The following UMAD1 variants were observed in gnomAD, a reference collection of about 807,000 sequenced individuals.
The protein encoded by UMAD1 is UBAP1-MVB12-associated (UMA) domain containing 1, also known as UBAP1-MVB12-associated (UMA)-domain containing protein 1.
A neutral mutation model predicts 6.1 loss-of-function variants in UMAD1; 8 were observed. The observed-to-expected ratio is 1.30, with a 90% CI of 0.76 to 2.35. The LOEUF is 2.35. Ranked by LOEUF, UMAD1 falls within the 30% of genes most tolerant of loss-of-function variation. The pLI, the probability that UMAD1 is intolerant of heterozygous loss-of-function variation, is 0.00. For synonymous variants in UMAD1, 56 were observed against 31.4 expected (o/e 1.78, Z -2.61); for missense variants, 130 against 78.4 (o/e 1.66, Z -2.49).
intron 2 of UMAD1, among the ~76,000 whole-genome samples, chr7:7,796,397 G>A (rs1164837439): frequency 1.3e-5 from 2 of 151,528 alleles, no homozygotes; most frequent in South Asian, 2.1e-4. Flanking sequence ...GATTACAGGC[G>A]TGCCCTACCG....
chr7:7,756,130 T>A (rs115377487), intron 2 of UMAD1, among the ~76,000 whole-genome samples: 1 of 152,072 alleles, frequency 6.6e-6, no homozygotes, highest in African/African-American at 2.4e-5. Context: ...CTAGGCATAG[T>A]GTGAAGTTGG....
rs28915982 is a variant in UMAD1 at position 7,673,971 on chromosome 7, C to A, written c.82+518C>A. ...TAGTGTCTTTAAAAAATATTTCTTACAATCAAATACAGTGTTCTTCACCAG... is the reference window on the plus strand; with the variant it reads ...TAGTGTCTTTAAAAAATATTTCTTAAAATCAAATACAGTGTTCTTCACCAG... On this transcript the variant is annotated intron_variant, in intron 2 of 3. Transcript: ENST00000682710. 4.6e-5 allele frequency among the ~76,000 whole-genome samples: 7 copies of A among 152,272 alleles called. No individual in the cohort carries two copies. The East Asian group carries it at 1.3e-3, about 29-fold the overall frequency.
intron 3 of UMAD1, among the ~76,000 whole-genome samples, chr7:7,827,718 G>GACT (rs1192612367): frequency 6.6e-6 from 1 of 152,112 alleles, no homozygotes; most frequent in Non-Finnish European, 1.5e-5. Flanking sequence ...TGGGCAAAAT[G>GACT]GAACATTTTG....
At chr7:7,662,994 G>A (rs867550926) in intron 1 of UMAD1, among the ~76,000 whole-genome samples, 31 of 130,180 alleles carry the variant, frequency 2.4e-4, no homozygotes, top group South Asian at 7.7e-4. Flanking sequence ...TTAAAGAAGT[G>A]TGTGAGTGCT....
intron 3 of UMAD1, among the ~76,000 whole-genome samples, chr7:7,813,170 C>T (rs566005798): frequency 6.6e-6 from 1 of 152,186 alleles, no homozygotes; most frequent in East Asian, 1.9e-4. Context: ...CATTTTTCTC[C>T]AGGCGTAGCC....
At chr7:7,758,897 A>G (rs567208155) in intron 2 of UMAD1, among the ~76,000 whole-genome samples, 71 of 152,304 alleles carry the variant, frequency 4.7e-4, no homozygotes, top group African/African-American at 1.5e-3. Context: ...AAGTTTTTGT[A>G]CATATCTTGC....
intron 2 of UMAD1, among the ~76,000 whole-genome samples, chr7:7,784,281 A>G (rs1475398106): frequency 6.6e-6 from 1 of 152,022 alleles, no homozygotes; most frequent in Non-Finnish European, 1.5e-5. Context: ...CCCTTTCATG[A>G]AATTTTCAAG....
intron 3 of UMAD1, among the ~76,000 whole-genome samples, chr7:7,875,054 G>A (rs13438161): frequency 0.28 from 42,543 of 152,002 alleles, 6,225 homozygotes; most frequent in East Asian, 0.49. Flanking sequence ...GATTACAGGC[G>A]TGAGCCACCG....
At chr7:7,774,263 CAATT>C (rs1490396097) in intron 2 of UMAD1, among the ~76,000 whole-genome samples, 1 of 152,076 alleles carries the variant, frequency 6.6e-6, no homozygotes, top group Non-Finnish European at 1.5e-5. Context: ...GGTAGAGTAA[CAATT>C]AAGAAACTGA....
At chr7:7,728,449 G>A (rs1781184591) in intron 2 of UMAD1, among the ~76,000 whole-genome samples, 1 of 152,136 alleles carries the variant, frequency 6.6e-6, no homozygotes, top group South Asian at 2.1e-4. Context: ...GTTGAGACCA[G>A]CCTGACCAAC....
chr7:7,704,568 A>G lies in UMAD1; in HGVS notation c.82+31115A>G, dbSNP rs542647175. 1.5e-3 allele frequency among the ~76,000 whole-genome samples: 222 copies of G among 149,576 alleles called. 1 individual carries two copies. The highest frequency in any genetic ancestry group is 2.5e-3 in the Non-Finnish European group (166 of 67,498). On this transcript the variant is annotated intron_variant, in intron 2 of 3. Coordinates refer to ENST00000682710, the MANE Select transcript of UMAD1 (RefSeq NM_001302348.2). ...CAGGAGTTCAAGACTAGCCTGGCCA[A>G]TATGGTGAAACCCTGTCTCTACTAA...
chr7:7,653,636 G>C (rs1408754150), intron 1 of UMAD1, among the ~76,000 whole-genome samples: 1 of 152,162 alleles, frequency 6.6e-6, no homozygotes, highest in African/African-American at 2.4e-5. Context: ...TGAAGAAAAG[G>C]GCAGTATTCT....
chr7:7,672,628 G>T (rs1303490270), intron 1 of UMAD1, among the ~76,000 whole-genome samples: 2 of 152,114 alleles, frequency 1.3e-5, no homozygotes, highest in South Asian at 4.1e-4. Context: ...GAGATCTGAT[G>T]GTTTTATAAG....
intron 3 of UMAD1, among the ~76,000 whole-genome samples, chr7:7,813,774 G>A (rs902254889): frequency 2.0e-5 from 3 of 152,082 alleles, no homozygotes; most frequent in African/African-American, 7.2e-5. Context: ...CCAACCCATC[G>A]GAGAGCTGTA....
intron 3 of UMAD1, among the ~76,000 whole-genome samples, chr7:7,851,150 T>C (rs1724541951): frequency 6.6e-6 from 1 of 152,206 alleles, no homozygotes; most frequent in African/African-American, 2.4e-5. Flanking sequence ...AATGGAATAA[T>C]ATAATATGTG....
intron 3 of UMAD1, among the ~76,000 whole-genome samples, chr7:7,874,807 G>T (rs117744384): frequency 6.6e-6 from 1 of 152,162 alleles, no homozygotes; most frequent in Non-Finnish European, 1.5e-5. Context: ...TTGACAGGAC[G>T]GGGGTTGATT....
intron 2 of UMAD1, among the ~76,000 whole-genome samples, chr7:7,761,578 T>C (rs1781891535): frequency 6.6e-6 from 1 of 152,210 alleles, no homozygotes; most frequent in African/African-American, 2.4e-5. Flanking sequence ...GGATCACATT[T>C]CTTATTAAAA....
chr7:7,709,692 G>A (rs1293666355), intron 2 of UMAD1, among the ~76,000 whole-genome samples: 1 of 152,158 alleles, frequency 6.6e-6, no homozygotes, highest in Non-Finnish European at 1.5e-5. Flanking sequence ...TTTACCTGCT[G>A]AGGGTAAGAT....
At chr7:7,721,982 C>G (rs57496701) in intron 2 of UMAD1, among the ~76,000 whole-genome samples, 3,869 of 152,124 alleles carry the variant, frequency 0.025, 178 homozygotes, top group African/African-American at 0.086. Context: ...CTGGCTTAGC[C>G]TCCTAGCCTA....
Sources: gnomAD v4.1 joint callset for allele counts (sites outside exome capture counted in the v4.1 genomes callset) on GRCh38, gnomAD v4.1.1 for gene constraint, MANE v1.5 for transcripts, NCBI Gene and HGNC (gene_info 2026-07-23, HGNC 2026-07-21) for gene names.